OR3A2: variants seen among roughly 807,000 people sequenced by gnomAD.
OR3A2 encodes olfactory receptor family 3 subfamily A member 2, also known as olfactory receptor 3A2.
For synonymous variants in OR3A2, 126 were observed against 159.3 expected (o/e 0.79, Z 1.57); for missense variants, 318 against 392.8 (o/e 0.81, Z 1.61).
At chr17:3,329,949 C>T (rs2150641349) in intron 3 of OR3A2, among the ~76,000 whole-genome samples, 1 of 144,074 alleles carries the variant, frequency 6.9e-6, no homozygotes, top group Middle Eastern at 3.4e-3. Context: ...ATCTTTATTT[C>T]TGCCTTCATT....
chr17:3,310,087 A>G, intron 3 of OR3A2: 5 of 316,964 alleles, frequency 1.6e-5, no homozygotes, highest in South Asian at 1.1e-4. Context: ...AGTCTGTCCA[A>G]TGCCACTCTT....
At chr17:3,378,732 G>A (rs2049707195) in intron 2 of OR3A2, among the ~76,000 whole-genome samples, 1 of 152,062 alleles carries the variant, frequency 6.6e-6, no homozygotes, top group Non-Finnish European at 1.5e-5. Context: ...CTTCCCACAT[G>A]CCCAAATCCT....
intron 3 of OR3A2, among the ~76,000 whole-genome samples, chr17:3,328,739 C>T (rs1352314488): frequency 7.2e-6 from 1 of 139,794 alleles, no homozygotes; most frequent in Non-Finnish European, 1.5e-5. Flanking sequence ...CCCATCAATA[C>T]CTAATTTATT....
chr17:3,364,073 CTT>C (rs2049542603), intron 2 of OR3A2, among the ~76,000 whole-genome samples: 1 of 152,074 alleles, frequency 6.6e-6, no homozygotes, highest in South Asian at 2.1e-4. Context: ...TAAAAAGTAA[CTT>C]ATAAATGATA....
At chr17:3,305,056 G>A (rs231683) in intron 3 of OR3A2, among the ~76,000 whole-genome samples, 54,742 of 152,070 alleles carry the variant, frequency 0.36, 10,457 homozygotes, top group South Asian at 0.5. Context: ...GCAATGTTCT[G>A]TATTTTGGTA....
intron 2 of OR3A2, among the ~76,000 whole-genome samples, chr17:3,371,512 G>A (rs1458011410): frequency 3.4e-5 from 5 of 145,178 alleles, no homozygotes; most frequent in Non-Finnish European, 7.6e-5. Context: ...GGCTGGCCGG[G>A]CGGGGGGCTG....
intron 3 of OR3A2, among the ~76,000 whole-genome samples, chr17:3,308,349 C>T (rs919661521): frequency 2.6e-5 from 4 of 152,044 alleles, no homozygotes; most frequent in African/African-American, 7.2e-5. Context: ...GCTGGGCCGG[C>T]GGGACTGTCC....
chr17:3,349,131 C>T (rs2049396450), intron 2 of OR3A2, among the ~76,000 whole-genome samples: 1 of 152,034 alleles, frequency 6.6e-6, no homozygotes, highest in African/African-American at 2.4e-5. Flanking sequence ...AACTAACGTG[C>T]AAAATCACCA....
chr17:3,330,105 A>G (rs900126352), intron 3 of OR3A2, among the ~76,000 whole-genome samples: 2 of 147,020 alleles, frequency 1.4e-5, no homozygotes, highest in East Asian at 1.9e-4. Flanking sequence ...GTTCTTTTAC[A>G]TTTGCTGAGG....
At chr17:3,372,003 C>A (rs1300915101) in intron 2 of OR3A2, among the ~76,000 whole-genome samples, 3 of 111,488 alleles carry the variant, frequency 2.7e-5, no homozygotes, top group East Asian at 4.4e-4. Context: ...GGCTGCCGGG[C>A]AGAGGGGCTC....
At chr17:3,303,902 A>AAT (rs202155954) in intron 3 of OR3A2, among the ~76,000 whole-genome samples, 1,911 of 141,422 alleles carry the variant, frequency 0.014, 45 homozygotes, top group African/African-American at 0.046. Context: ...AAAATAAATA[A>AAT]ATAGATATAG....
intron 3 of OR3A2, among the ~76,000 whole-genome samples, chr17:3,302,459 T>C (rs2855662): frequency 0.63 from 96,006 of 151,522 alleles, 31,195 homozygotes; most frequent in East Asian, 1. Flanking sequence ...AACCATCTGA[T>C]CTTTGACAAA....
At chr17:3,344,282 AT>A (rs1330594862) in intron 2 of OR3A2, among the ~76,000 whole-genome samples, 2 of 151,728 alleles carry the variant, frequency 1.3e-5, no homozygotes, top group East Asian at 3.9e-4. Context: ...ACATCTAATT[AT>A]TTTTAAATAA....
At chr17:3,308,272 G>T (rs1482447831) in intron 3 of OR3A2, among the ~76,000 whole-genome samples, 2 of 152,162 alleles carry the variant, frequency 1.3e-5, no homozygotes, top group Non-Finnish European at 2.9e-5. Context: ...GTGTGAAAAT[G>T]ATGTCAGCGG....
intron 2 of OR3A2, among the ~76,000 whole-genome samples, chr17:3,371,571 G>C (rs1163664025): frequency 4.4e-5 from 6 of 135,990 alleles, no homozygotes; most frequent in East Asian, 4.8e-4. Context: ...GCGGGGGGCT[G>C]ATTCCCCCAC....
chr17:3,318,395 C>T (rs1420817801), intron 3 of OR3A2, among the ~76,000 whole-genome samples: 1 of 152,210 alleles, frequency 6.6e-6, no homozygotes, highest in Non-Finnish European at 1.5e-5. Context: ...GTTAGCAAGA[C>T]TCATTAGCCA....
chr17:3,282,148 C>T (rs62089526), intron 1 of OR3A2, among the ~76,000 whole-genome samples: 27,517 of 152,130 alleles, frequency 0.18, 3,105 homozygotes, highest in African/African-American at 0.3. Context: ...GGTGCAGTGG[C>T]TCACACCTGT....
intron 1 of OR3A2, 158 bp downstream of exon 1, chr17:3,385,967 T>G (rs1290976149): frequency 2.5e-6 from 1 of 393,390 alleles, no homozygotes; most frequent in Admixed American, 4.6e-5. Flanking sequence ...CCCGTGTTCC[T>G]CCTCCTCGGC....
At chr17:3,326,116 G>A (rs1331887473) in intron 3 of OR3A2, among the ~76,000 whole-genome samples, 1 of 152,076 alleles carries the variant, frequency 6.6e-6, no homozygotes, top group Non-Finnish European at 1.5e-5. Context: ...CAAAGGACAG[G>A]ATCTCATTCA....
Sources: gnomAD v4.1 joint callset for allele counts (sites outside exome capture counted in the v4.1 genomes callset) on GRCh38, gnomAD v4.1.1 for gene constraint, MANE v1.5 for transcripts, NCBI Gene and HGNC (gene_info 2026-07-23, HGNC 2026-07-21) for gene names.